The following SMOC1 variants were observed in gnomAD, a reference collection of about 807,000 sequenced individuals.
SMOC1 encodes SPARC related modular calcium binding 1.
A neutral mutation model predicts 56.3 loss-of-function variants in SMOC1; 22 were observed. That is an observed-to-expected ratio of 0.39 (90% CI 0.28 to 0.56). The LOEUF is 0.56. Among genes scored for constraint, SMOC1 ranks in the 20% least tolerant of loss-of-function variants. The pLI is 0.61. For synonymous variants in SMOC1, 193 were observed against 215.0 expected (o/e 0.90, Z 0.89); for missense variants, 509 against 565.4 (o/e 0.90, Z 1.01).
At chr14:69,913,751 A>T (rs1884615422) in intron 1 of SMOC1, among the ~76,000 whole-genome samples, 1 of 152,218 alleles carries the variant, frequency 6.6e-6, no homozygotes, top group Non-Finnish European at 1.5e-5. Flanking sequence ...AGAGGAAATC[A>T]ATTTCTTTTC....
chr14:69,886,535 T>C (rs1200716970), intron 1 of SMOC1, among the ~76,000 whole-genome samples: 1 of 152,248 alleles, frequency 6.6e-6, no homozygotes, highest in Non-Finnish European at 1.5e-5. Context: ...GTGTGTTTGG[T>C]AGTTACAGGA....
rs1883021315 is a variant in SMOC1 at position 69,952,163 on chromosome 14, A to G, written c.125A>G (p.Gln42Arg). ...PRFLISDRDPQCNLHCSRTQP... is the reference protein window; with the variant it reads ...PRFLISDRDPRCNLHCSRTQP... ...TTTCTAATAAGTGACCGTGACCCAC[A>G]GTGCAACCTCCACTGCTCCAGGACT... is the stretch of plus-strand genomic sequence containing the variant. Residue 42 changes from glutamine (Q) to arginine (R), a missense_variant, in exon 2 of 12, where the codon CAG becomes CGG. By Grantham distance (43) the Gln-to-Arg change is conservative. Transcript: ENST00000361956. 6.2e-7 allele frequency: 1 copy of G among 1,614,098 alleles called. No individual in the cohort carries two copies. Among genetic ancestry groups the G allele is most frequent in the South Asian group, 1.1e-5 (1 of 91,088 alleles).
chr14:69,994,588 G>T, intron 7 of SMOC1, 108 bp downstream of exon 7: 1 of 888,142 alleles, frequency 1.1e-6, no homozygotes, highest in Non-Finnish European at 1.9e-6. Context: ...AATCTGTCTG[G>T]TTGTCAATTT....
Position 69,885,983 on chromosome 14 carries a change from C to T in SMOC1, c.99+6206C>T, listed in dbSNP as rs953528430. 1.6e-5 allele frequency: 26 copies of T among 1,585,418 alleles called. 1 individual carries two copies. The highest frequency in any genetic ancestry group is 1.2e-4 in the African/African-American group (9 of 74,454). ...GATATAGCGGGGCCATTTCACAAAG[C>T]GGGTGAGGTCTCTTTTGGGCTGGAT... is the stretch of plus-strand genomic sequence containing the variant. On this transcript the variant is annotated intron_variant, in intron 1 of 11. Transcript: ENST00000361956.
intron 3 of SMOC1, among the ~76,000 whole-genome samples, chr14:69,969,079 G>A (rs1016295186): frequency 2.0e-5 from 3 of 152,196 alleles, no homozygotes. Context: ...AGTGAACTGA[G>A]AGCCTGATAT....
intron 5 of SMOC1, among the ~76,000 whole-genome samples, chr14:69,983,005 A>G (rs1268680841): frequency 6.6e-6 from 1 of 152,208 alleles, no homozygotes; most frequent in African/African-American, 2.4e-5. Context: ...AGCTTCGCAG[A>G]GGTCAGTTTC....
chr14:70,021,316 G>A (rs896824895), intron 10 of SMOC1, among the ~76,000 whole-genome samples: 1 of 152,210 alleles, frequency 6.6e-6, no homozygotes, highest in African/African-American at 2.4e-5. Flanking sequence ...TTCTGCCTTT[G>A]CAGCTGGTAT....
At chr14:69,946,458 G>T (rs1396840295) in intron 1 of SMOC1, among the ~76,000 whole-genome samples, 3 of 151,972 alleles carry the variant, frequency 2.0e-5, no homozygotes, top group Non-Finnish European at 2.9e-5. Context: ...CCTTTTGTTT[G>T]GTTTCTGTAT....
chr14:70,003,684 G>T, intron 7 of SMOC1, among the ~76,000 whole-genome samples: 1 of 152,204 alleles, frequency 6.6e-6, no homozygotes, highest in East Asian at 1.9e-4. Flanking sequence ...CCAGGAACTT[G>T]CATCCAGTGA....
chr14:69,899,482 C>T (rs1884186022), intron 1 of SMOC1, among the ~76,000 whole-genome samples: 2 of 152,278 alleles, frequency 1.3e-5, no homozygotes, highest in African/African-American at 4.8e-5. Flanking sequence ...TCCTGCTTCC[C>T]TTATGCCTTC....
rs1167830862 is a variant in SMOC1, at chr14:70,030,234, T to C, written c.1292-8T>C. The stretch of plus-strand genomic sequence containing the variant: ...TTTTTTTTTTTGCATTCTCCTTCCT[T>C]CTCTCAGTAGGACGCCTCGTCTAAG... On this transcript the variant is annotated splice_polypyrimidine_tract_variant and splice_region_variant and intron_variant, in intron 11 of 11. Coordinates refer to ENST00000361956, the MANE Select transcript of SMOC1 (RefSeq NM_001034852.3). The C allele has an allele frequency of 3.7e-6, 6 of 1,611,266 alleles. No homozygotes were observed. The East Asian group carries it at 1.3e-4, about 36-fold the overall frequency.
Position 69,961,445 on chromosome 14 carries a change from A to G in SMOC1, c.378+7913A>G, listed in dbSNP as rs538398584. Among the ~76,000 whole-genome samples the G allele has an allele frequency of 7.3e-5, 11 of 151,632 alleles. No homozygotes were observed. In the South Asian group the frequency reaches 2.3e-3, roughly 32 times the overall value. ...GCCCAGGCTGGAGTGCAGTGGCATG[A>G]TCTGGACTCACTACAACCTCCACCT... On this transcript the variant is annotated intron_variant, in intron 3 of 11. Transcript: ENST00000361956.
chr14:70,018,352 G>T (rs1389336811), intron 10 of SMOC1, among the ~76,000 whole-genome samples: 2 of 147,914 alleles, frequency 1.4e-5, no homozygotes, highest in African/African-American at 5.1e-5. Flanking sequence ...TAGAAGAGTG[G>T]GAGGCATCTA....
chr14:69,945,466 G>A (rs1001286977), intron 1 of SMOC1, among the ~76,000 whole-genome samples: 5 of 152,164 alleles, frequency 3.3e-5, no homozygotes, highest in Admixed American at 3.3e-4. Context: ...AAGTCATCAT[G>A]GATAAGACAG....
intron 3 of SMOC1, among the ~76,000 whole-genome samples, chr14:69,974,070 G>A (rs1238486560): frequency 1.3e-5 from 2 of 152,182 alleles, no homozygotes; most frequent in African/African-American, 2.4e-5. Flanking sequence ...GAGAAAATAG[G>A]ATAATGGATG....
intron 1 of SMOC1, among the ~76,000 whole-genome samples, chr14:69,929,635 A>C (rs570820937): frequency 1.3e-5 from 2 of 152,190 alleles, no homozygotes; most frequent in Admixed American, 6.5e-5. Flanking sequence ...CCTGGGGCTC[A>C]GGGAAGCCAG....
chr14:69,942,233 C>A (rs972340991), intron 1 of SMOC1, among the ~76,000 whole-genome samples: 1 of 151,616 alleles, frequency 6.6e-6, no homozygotes, highest in Non-Finnish European at 1.5e-5. Flanking sequence ...AGGGGCAGGG[C>A]CTGTGTTCTT....
At chr14:69,938,783 G>A (rs1164038225) in intron 1 of SMOC1, among the ~76,000 whole-genome samples, 1 of 152,200 alleles carries the variant, frequency 6.6e-6, no homozygotes, top group Admixed American at 6.5e-5. Flanking sequence ...GTCTGGTGAT[G>A]CAGAGCAGAT....
chr14:70,023,093 G>A, intron 10 of SMOC1, 110 bp from the exon 11 acceptor site: 1 of 1,560,208 alleles, frequency 6.4e-7, no homozygotes, highest in Non-Finnish European at 8.8e-7. Context: ...ACTTTGGCTT[G>A]GAGGAGCCGT....
Sources: gnomAD v4.1 joint callset for allele counts (sites outside exome capture counted in the v4.1 genomes callset) on GRCh38, gnomAD v4.1.1 for gene constraint, MANE v1.5 for transcripts, NCBI Gene and HGNC (gene_info 2026-07-23, HGNC 2026-07-21) for gene names.